The following CSRNP2 variants were observed in gnomAD, a reference collection of about 807,000 sequenced individuals.
CSRNP2 encodes cysteine and serine rich nuclear protein 2.
In CSRNP2, 11 loss-of-function variants were observed where a neutral mutation model predicts 36.6. That is an observed-to-expected ratio of 0.30 (90% CI 0.19 to 0.50). CSRNP2 has a LOEUF of 0.50. CSRNP2 is among the 20% of genes least tolerant of loss of function. The pLI is 0.98. For missense variants in CSRNP2, 483 were observed against 691.4 expected, an observed-to-expected ratio of 0.70 and a Z score of 3.38; for synonymous variants, 248 against 275.3, an observed-to-expected ratio of 0.90 and a Z score of 0.98.
chr12:51,063,096 AAC>A lies in CSRNP2; in HGVS notation c.*648_*649del, dbSNP rs1042418861. On this transcript the variant is annotated 3_prime_UTR_variant, in exon 5 of 5. Coordinates refer to ENST00000228515, the MANE Select transcript of CSRNP2 (RefSeq NM_030809.3). ...CTAGTACTTAAGAACATGTGGAAGA[AAC>A]AATTCAAGTTACAGACCAGGAATCC... The A allele has an allele frequency of 2.0e-5, 3 of 152,262 alleles. No homozygotes were observed. Among genetic ancestry groups the A allele is most frequent in the Non-Finnish European group, 4.4e-5 (3 of 68,048 alleles). The allele number at this position is 152,262 out of a possible 1,614,324, so 9.4% of individuals were successfully genotyped here.
At chr12:51,075,488 C>A (rs1465823486) in intron 2 of CSRNP2, among the ~76,000 whole-genome samples, 1 of 152,204 alleles carries the variant, frequency 6.6e-6, no homozygotes, top group East Asian at 1.9e-4. Context: ...CAGAACATTT[C>A]TATCATAACA....
At chr12:51,076,321 C>A in intron 2 of CSRNP2, 90 bp downstream of exon 2, 1 of 1,430,426 alleles carries the variant, frequency 7.0e-7, no homozygotes, top group Non-Finnish European at 9.7e-7. Flanking sequence ...AAGGGCAAAT[C>A]CCCAAGCCAC....
rs532676636 is a variant in CSRNP2, at chr12:51,063,074, G to A, written c.*672C>T. On this transcript the variant is annotated 3_prime_UTR_variant, in exon 5 of 5. Transcript: ENST00000228515. ...AGACACATAGACAAGTTTAACTCTA[G>A]TACTTAAGAACATGTGGAAGAAACA... The A allele has an allele frequency of 1.3e-5, 2 of 152,292 alleles. No homozygotes were observed. The highest frequency in any genetic ancestry group is 3.9e-4 in the East Asian group (2 of 5,192). The allele number at this position is 152,292 out of a possible 1,614,324, so 9.4% of individuals were successfully genotyped here.
chr12:51,064,591 T>G lies in CSRNP2; in HGVS notation c.787A>C (p.Ile263Leu). The G allele has an allele frequency of 6.3e-7, 1 of 1,595,060 alleles. No individual in the cohort carries two copies. The highest frequency in any genetic ancestry group is 8.5e-7 in the Non-Finnish European group (1 of 1,170,992). The change falls in exon 5 of 5, where the codon ATC becomes CTC. Residue 263 changes from isoleucine to leucine, a missense_variant. By Grantham distance (5) the Ile-to-Leu change is conservative. Transcript: ENST00000228515. The stretch of plus-strand genomic sequence containing the variant: ...TGGAGGTAATGAGTCCGGACCCGGA[T>G]TGGATTAAATTCAATGCGTCCTGCC... Reference protein sequence around the residue: ...NMAGRIEFNPIRVRTHYLHTI... With the variant: ...NMAGRIEFNPLRVRTHYLHTI...
chr12:51,063,631 C>T lies in CSRNP2; in HGVS notation c.*115G>A, dbSNP rs112998981. The T allele has an allele frequency of 1.2e-5, 10 of 821,452 alleles. No homozygotes were observed. The African/African-American group carries it at 1.7e-4, about 14-fold the overall frequency. 50.9% of individuals were successfully genotyped at this position (821,452 alleles called of 1,614,324 possible). ...CCTTTCCCACCCATTCCCCAAAGAC[C>T]CCAATAAAATAACATGGGAGCAGCA... On this transcript the variant is annotated 3_prime_UTR_variant, in exon 5 of 5. Coordinates refer to ENST00000228515, the MANE Select transcript of CSRNP2 (RefSeq NM_030809.3).
Position 51,076,429 on chromosome 12 carries a change from TAGG to T in CSRNP2, c.130_132del (p.Pro44del). ...TACTCACGTGTGAAGCTGGCAGTGG[TAGG>T]AGGATTGAGGCTGTCGCAGCTGTCA... On this transcript the variant is annotated inframe_deletion, in exon 2 of 5. Coordinates refer to ENST00000228515, the MANE Select transcript of CSRNP2 (RefSeq NM_030809.3). 1 of 1,613,996 alleles carries T rather than the reference TAGG, an allele frequency of 6.2e-7. No homozygotes were observed. The highest frequency in any genetic ancestry group is 8.5e-7 in the Non-Finnish European group (1 of 1,179,996).
Position 51,067,936 on chromosome 12 carries a change from C to A in CSRNP2, c.445G>T (p.Ala149Ser). The A allele has an allele frequency of 6.8e-6, 11 of 1,614,126 alleles. No individual in the cohort carries two copies. Among genetic ancestry groups the A allele is most frequent in the Non-Finnish European group, 8.5e-6 (10 of 1,180,020 alleles). ...ACATCATCCAGCGTCAGGCCATCAG[C>A]CTCCACCGACTCCACTGTCCCATTC... ...TKNGTVESVE[A>S]DGLTLDDVSD... is the part of the protein sequence containing the mutation. The change falls in exon 4 of 5, where the codon GCT becomes TCT. Residue 149 changes from alanine to serine, a missense_variant. Physicochemically the swap from Ala to Ser is moderately conservative, Grantham distance 99. Coordinates refer to ENST00000228515, the MANE Select transcript of CSRNP2 (RefSeq NM_030809.3). This position sits in a 1 kb window ranked among gnomAD's most constrained non-coding sequence, Gnocchi z 4.1.
chr12:51,073,697 G>C, intron 3 of CSRNP2, 126 bp downstream of exon 3: 2 of 1,052,710 alleles, frequency 1.9e-6, no homozygotes, highest in Non-Finnish European at 2.7e-6. Context: ...GTGCACTCCA[G>C]CCCGGGCGAC....
At position 51,069,124 on chromosome 12, in the gene CSRNP2, T is replaced by C. The variant is rs568619023; in HGVS notation, c.412-1155A>G. On this transcript the variant is annotated intron_variant, in intron 3 of 4. Coordinates refer to ENST00000228515, the MANE Select transcript of CSRNP2 (RefSeq NM_030809.3). Reference sequence around the variant, plus strand: ...CCGAGTAGCTGGGACTACAGGCACCTGCCACCACGCCCGGCTAACTTTTTG... The same window carrying C: ...CCGAGTAGCTGGGACTACAGGCACCCGCCACCACGCCCGGCTAACTTTTTG... 4.6e-5 allele frequency among the ~76,000 whole-genome samples: 7 copies of C among 152,074 alleles called. No individual in the cohort carries two copies. The East Asian group carries it at 9.7e-4, about 21-fold the overall frequency.
At chr12:51,064,729 G>A (rs1180237831) in intron 4 of CSRNP2, 60 bp from the exon 5 acceptor site, 1 of 1,406,634 alleles carries the variant, frequency 7.1e-7, no homozygotes, top group African/African-American at 1.4e-5. Flanking sequence ...AATGGAGACA[G>A]GAGACATGAG....
chr12:51,081,423 C>T (rs567910352), intron 1 of CSRNP2: 2 of 152,328 alleles, frequency 1.3e-5, no homozygotes, highest in East Asian at 1.9e-4. Context: ...ATCAGTCATT[C>T]CTACCTCTCT....
Position 51,064,465 on chromosome 12 carries a change from C to T in CSRNP2, c.913G>A (p.Ala305Thr). Reference sequence around the variant, plus strand: ...AAGTCCTGGGTCTCAGAGCCCTGTGCTCCTGTCAGGCTGCAACTGGCAGTC... The same window carrying T: ...AAGTCCTGGGTCTCAGAGCCCTGTGTTCCTGTCAGGCTGCAACTGGCAGTC... ...SPTASCSLTG[A>T]QGSETQDFQE... Residue 305 changes from alanine to threonine, a missense_variant, in exon 5 of 5, where the codon GCA (alanine) becomes ACA (threonine). This residue lies in a region of CSRNP2 where 277 missense variants were observed against 323.6 expected (regional missense o/e 0.86). Coordinates refer to ENST00000228515, the MANE Select transcript of CSRNP2 (RefSeq NM_030809.3). 6.2e-7 allele frequency: 1 copy of T among 1,609,574 alleles called. No homozygotes were observed.
chr12:51,074,148 C>CG, intron 2 of CSRNP2, 66 bp from the exon 3 acceptor site: 1 of 1,510,446 alleles, frequency 6.6e-7, no homozygotes, highest in Non-Finnish European at 8.9e-7. Context: ...GATGGAGTCT[C>CG]GCTCTGTTGC....
Position 51,063,975 on chromosome 12 carries a change from G to C in CSRNP2, c.1403C>G (p.Ala468Gly). ...CCCCACCTCTGATTTACAGAGGGCAGCTGGGTCTGTGGAGCTACAAGCCAC... is the reference window on the plus strand; with the variant it reads ...CCCCACCTCTGATTTACAGAGGGCACCTGGGTCTGTGGAGCTACAAGCCAC... ...SLVACSSTDP[A>G]ALCKSEVGKT... Residue 468 changes from alanine (A) to glycine (G), a missense_variant, in exon 5 of 5, where the codon GCT (alanine) becomes GGT (glycine). Physicochemically the swap from Ala to Gly is moderately conservative, Grantham distance 60. Transcript: ENST00000228515. 1.2e-6 allele frequency: 2 copies of C among 1,613,726 alleles called. No homozygotes were observed. The highest frequency in any genetic ancestry group is 1.7e-6 in the Non-Finnish European group (2 of 1,179,610).
chr12:51,072,634 CCTCT>C (rs200953906), intron 3 of CSRNP2, among the ~76,000 whole-genome samples: 19,079 of 87,842 alleles, frequency 0.22, 1,680 homozygotes, highest in East Asian at 0.48. Flanking sequence ...CTTTTCCCAG[CCTCT>C]CTCTCTCGAA....
In CSRNP2 at chr12:51,063,719, G is replaced by C. The variant is rs12317980; in HGVS notation, c.*27C>G. 6.7e-7 allele frequency: 1 copy of C among 1,481,762 alleles called. No individual in the cohort carries two copies. The highest frequency in any genetic ancestry group is 1.4e-5 in the African/African-American group (1 of 70,992). 91.8% of individuals were successfully genotyped at this position (1,481,762 alleles called of 1,614,324 possible). On this transcript the variant is annotated 3_prime_UTR_variant, in exon 5 of 5. Coordinates refer to ENST00000228515, the MANE Select transcript of CSRNP2 (RefSeq NM_030809.3). ...AAAATAAGGGAATAAATAGAGAATGGGTAAGAGGCAGGACCTCTAGCGCCT... is the reference window on the plus strand; with the variant it reads ...AAAATAAGGGAATAAATAGAGAATGCGTAAGAGGCAGGACCTCTAGCGCCT...
chr12:51,072,458 G>A (rs1939206005), intron 3 of CSRNP2, among the ~76,000 whole-genome samples: 1 of 150,620 alleles, frequency 6.6e-6, no homozygotes, highest in Non-Finnish European at 1.5e-5. Context: ...AGCTATTCAG[G>A]AGGCTGAGGC....
In CSRNP2 at chr12:51,062,438, T is replaced by C. The variant is rs76827732; in HGVS notation, c.*1308A>G. 6.6e-6 allele frequency: 1 copy of C among 152,216 alleles called. No homozygotes were observed. Among genetic ancestry groups the C allele is most frequent in the African/African-American group, 2.4e-5 (1 of 41,450 alleles). The allele number at this position is 152,216 out of a possible 1,614,324, so 9.4% of individuals were successfully genotyped here. On this transcript the variant is annotated 3_prime_UTR_variant, in exon 5 of 5. Coordinates refer to ENST00000228515, the MANE Select transcript of CSRNP2 (RefSeq NM_030809.3). The stretch of plus-strand genomic sequence containing the variant: ...AATCAGTGCTGTTCAATGGAGATCT[T>C]AGAACACAGGATGAACAGGAACTGT...
In CSRNP2 at chr12:51,062,725, A is replaced by T. The variant is rs1359171173; in HGVS notation, c.*1021T>A. On this transcript the variant is annotated 3_prime_UTR_variant, in exon 5 of 5. Coordinates refer to ENST00000228515, the MANE Select transcript of CSRNP2 (RefSeq NM_030809.3). Reference sequence around the variant, plus strand: ...GACCATGAGGGTAGATCCAGGAAAAAAGAACAAAAACTGATTGGTGACCTT... The same window carrying T: ...GACCATGAGGGTAGATCCAGGAAAATAGAACAAAAACTGATTGGTGACCTT... The T allele has an allele frequency of 6.6e-6, 1 of 152,204 alleles. No individual in the cohort carries two copies. Among genetic ancestry groups the T allele is most frequent in the Non-Finnish European group, 1.5e-5 (1 of 68,040 alleles). The allele number at this position is 152,204 out of a possible 1,614,324, so 9.4% of individuals were successfully genotyped here.
Sources: gnomAD v4.1 joint callset for allele counts (sites outside exome capture counted in the v4.1 genomes callset) on GRCh38, gnomAD v4.1.1 for gene constraint, gnomAD v4.1.1 regional missense constraint, Gnocchi (gnomAD v3.1) non-coding constraint, MANE v1.5 for transcripts, NCBI Gene and HGNC (gene_info 2026-07-23, HGNC 2026-07-21) for gene names.